Variants in WDR27 observed in about 807,000 individuals in gnomAD.
WDR27 encodes WD repeat domain 27, also known as WD repeat-containing protein 27.
Under a neutral mutation model 114.4 loss-of-function variants are expected in WDR27, and 100 were observed. The observed-to-expected ratio is 0.87, with a 90% CI of 0.74 to 1.03. The LOEUF (loss-of-function observed/expected upper bound fraction) is 1.03. Ranked by LOEUF, WDR27 falls within the 50% of genes least tolerant of loss-of-function variation. WDR27 has a pLI of 0.00. For synonymous variants in WDR27, 449 were observed against 423.1 expected (o/e 1.06, Z -0.75); for missense variants, 1,129 against 1,092.9 (o/e 1.03, Z -0.47).
intron 25 of WDR27, among the ~76,000 whole-genome samples, chr6:169,564,000 T>C (rs1324910553): frequency 6.6e-6 from 1 of 152,106 alleles, no homozygotes; most frequent in East Asian, 1.9e-4. Flanking sequence ...ACTCACACCA[T>C]CACCAGGCGA....
rs199658563 is a variant in WDR27 at position 169,607,393 on chromosome 6, TACAC to T, written c.2322-5076_2322-5073del. 3.1e-3 allele frequency among the ~76,000 whole-genome samples: 312 copies of T among 99,484 alleles called. 1 individual carries two copies. The highest frequency in any genetic ancestry group is 5.9e-3 in the Middle Eastern group (1 of 170). 65.3% of individuals were successfully genotyped at this position (99,484 alleles called of 152,430 possible). A position where few individuals can be genotyped will look rare whatever the true frequency, so the allele number is the denominator to read the frequency against. ...AAAATGTAGTATACTTGTGTGTGTATACACACACACACACACACACACACACACA... is the reference window on the plus strand; with the variant it reads ...AAAATGTAGTATACTTGTGTGTGTATACACACACACACACACACACACACA... On this transcript the variant is annotated intron_variant, in intron 22 of 25. Transcript: ENST00000448612.
chr6:169,602,645 A>C (rs937375761), intron 22 of WDR27, among the ~76,000 whole-genome samples: 10 of 152,152 alleles, frequency 6.6e-5, no homozygotes, highest in African/African-American at 2.4e-4. Flanking sequence ...TTCTAAAATA[A>C]TAAATTATTT....
chr6:169,570,152 C>A (rs1260973963), intron 25 of WDR27, among the ~76,000 whole-genome samples: 2 of 152,174 alleles, frequency 1.3e-5, no homozygotes, highest in African/African-American at 4.8e-5. Context: ...TGATGCTGGT[C>A]CCACCACAAC....
intron 1 of WDR27, among the ~76,000 whole-genome samples, chr6:169,697,398 A>G (rs1392722779): frequency 6.6e-6 from 1 of 152,132 alleles, no homozygotes; most frequent in African/African-American, 2.4e-5. Flanking sequence ...TGTCAAGGAA[A>G]AACACCTGCT....
intron 23 of WDR27, among the ~76,000 whole-genome samples, chr6:169,590,464 C>T (rs1259529444): frequency 7.2e-5 from 11 of 152,234 alleles, no homozygotes; most frequent in South Asian, 2.1e-4. Context: ...AAGACCAAAA[C>T]GTGCAAGATT....
At chr6:169,516,624 G>A (rs1054328208) in intron 25 of WDR27, among the ~76,000 whole-genome samples, 17 of 152,106 alleles carry the variant, frequency 1.1e-4, no homozygotes, top group Admixed American at 2.0e-4. Flanking sequence ...GATGTCCATA[G>A]GGCTTAAAAG....
intron 25 of WDR27, among the ~76,000 whole-genome samples, chr6:169,507,917 T>C (rs1792226090): frequency 6.6e-6 from 1 of 152,186 alleles, no homozygotes; most frequent in Admixed American, 6.5e-5. Context: ...GCAATGCCCT[T>C]ATAAACTGAC....
At chr6:169,682,625 C>T (rs568519920) in intron 2 of WDR27, among the ~76,000 whole-genome samples, 31 of 152,288 alleles carry the variant, frequency 2.0e-4, no homozygotes, top group East Asian at 1.7e-3. Context: ...GCCAGACTTA[C>T]GAAGACTTAA....
At chr6:169,696,906 CCT>C (rs1475338694) in intron 1 of WDR27, among the ~76,000 whole-genome samples, 7 of 152,098 alleles carry the variant, frequency 4.6e-5, no homozygotes, top group Admixed American at 3.9e-4. Context: ...AGAGCGAGAC[CCT>C]GTCTCAAAAA....
intron 25 of WDR27, among the ~76,000 whole-genome samples, chr6:169,486,663 CA>C (rs1361728687): frequency 6.6e-6 from 1 of 152,030 alleles, no homozygotes; most frequent in Non-Finnish European, 1.5e-5. Flanking sequence ...AGCTAATTTT[CA>C]TATTTTTAGT....
intron 25 of WDR27, among the ~76,000 whole-genome samples, chr6:169,497,338 A>G (rs188603416): frequency 3.9e-5 from 6 of 152,246 alleles, no homozygotes; most frequent in Non-Finnish European, 7.4e-5. Context: ...ACAGGAAAAA[A>G]GCTTTCCAGC....
At chr6:169,605,204 A>G (rs1469878277) in intron 22 of WDR27, among the ~76,000 whole-genome samples, 1 of 151,366 alleles carries the variant, frequency 6.6e-6, no homozygotes, top group Non-Finnish European at 1.5e-5. Context: ...ATAATCTTAC[A>G]TCTAGAAAAA....
In WDR27 at chr6:169,698,558, T is replaced by C. The variant is rs77757539; in HGVS notation, c.-8+2993A>G. Among the ~76,000 whole-genome samples, 593 of 152,346 alleles carry C rather than the reference T, an allele frequency of 3.9e-3. 3 individuals carry two copies. Among genetic ancestry groups the C allele is most frequent in the African/African-American group, 0.013 (544 of 41,562 alleles). The stretch of plus-strand genomic sequence containing the variant: ...AGTTATTTTTCTATATGTTAAAATA[T>C]TCATTTTTCTATTTCTGTGGTCTGG... On this transcript the variant is annotated intron_variant, in intron 1 of 25. Transcript: ENST00000448612.
At chr6:169,688,272 A>T (rs1341661343) in intron 2 of WDR27, among the ~76,000 whole-genome samples, 1 of 152,246 alleles carries the variant, frequency 6.6e-6, no homozygotes, top group African/African-American at 2.4e-5. Context: ...AGCACAAAAA[A>T]GTACGTAATG....
chr6:169,637,637 T>C (rs986370139), intron 18 of WDR27, among the ~76,000 whole-genome samples: 18 of 152,134 alleles, frequency 1.2e-4, no homozygotes, highest in Non-Finnish European at 4.4e-5. Flanking sequence ...TAAGCATGCG[T>C]ATGTGTATGC....
the WDR27 span, among the ~76,000 whole-genome samples, chr6:169,430,365 G>A: frequency 3.3e-5 from 5 of 152,312 alleles, no homozygotes; most frequent in South Asian, 2.1e-4. Flanking sequence ...AGGACCAGAC[G>A]GTCTGGTAGA....
At chr6:169,562,121 G>A (rs543273187) in intron 25 of WDR27, among the ~76,000 whole-genome samples, 34 of 152,230 alleles carry the variant, frequency 2.2e-4, no homozygotes, top group Admixed American at 2.1e-3. Context: ...TTTCAGTGCC[G>A]CTGTCAATCC....
intron 25 of WDR27, among the ~76,000 whole-genome samples, chr6:169,479,913 C>T (rs1447345263): frequency 6.6e-6 from 1 of 152,204 alleles, no homozygotes; most frequent in African/African-American, 2.4e-5. Context: ...GGCACCTCCT[C>T]GGCTTCGGCA....
chr6:169,702,011 C>T lies in WDR27; in HGVS notation c.-468G>A. ...CGCTATGGTTACTTGCCAGCCGACC[C>T]ACGCGAGCCGCTATGGTTACTAGCC... On this transcript the variant is annotated 5_prime_UTR_variant, in exon 1 of 26. Coordinates refer to ENST00000448612, the MANE Select transcript of WDR27 (RefSeq NM_182552.5). 2 of 430,712 alleles carry T rather than the reference C, an allele frequency of 4.6e-6. No homozygotes were observed. Among genetic ancestry groups the T allele is most frequent in the South Asian group, 3.3e-5 (2 of 59,972 alleles). The allele number at this position is 430,712 out of a possible 1,614,324, so 26.7% of individuals were successfully genotyped here. A position where few individuals can be genotyped will look rare whatever the true frequency, so the allele number is the denominator to read the frequency against.
Sources: gnomAD v4.1 joint callset for allele counts (sites outside exome capture counted in the v4.1 genomes callset) on GRCh38, gnomAD v4.1.1 for gene constraint, MANE v1.5 for transcripts, NCBI Gene and HGNC (gene_info 2026-07-23, HGNC 2026-07-21) for gene names.